The following ACER3 variants were observed in gnomAD, a reference collection of about 807,000 sequenced individuals.
ACER3 encodes the protein alkaline ceramidase 3.
A neutral mutation model predicts 48.9 loss-of-function variants in ACER3; 16 were observed. The ratio of observed to expected loss-of-function variants is 0.33; its 90% CI spans 0.22 to 0.50. The LOEUF (loss-of-function observed/expected upper bound fraction) is 0.50. ACER3 is among the 20% of genes least tolerant of loss of function. The probability of loss-of-function intolerance (pLI) is 0.98; values close to 1 mark genes in which losing one functional copy is unlikely to be tolerated. For synonymous variants in ACER3, 109 were observed against 107.8 expected (o/e 1.01, Z -0.07); for missense variants, 227 against 326.0 (o/e 0.70, Z 2.34).
At chr11:76,958,817 C>T in intron 2 of ACER3, 162 bp from the exon 3 acceptor site, 3 of 700,160 alleles carry the variant, frequency 4.3e-6, no homozygotes, top group South Asian at 3.9e-5. Context: ...CAAAATTTCA[C>T]CAATTATAGC....
chr11:76,926,717 T>G, intron 2 of ACER3, 50 bp downstream of exon 2: 1 of 1,177,330 alleles, frequency 8.5e-7, no homozygotes, highest in South Asian at 1.4e-5. Context: ...AAATGGGCCA[T>G]TTTTCTCATT....
intron 2 of ACER3, among the ~76,000 whole-genome samples, chr11:76,934,890 G>A (rs1303882986): frequency 6.6e-6 from 1 of 152,090 alleles, no homozygotes; most frequent in Non-Finnish European, 1.5e-5. Flanking sequence ...CAGAAAATGA[G>A]AATCAAAACC....
At chr11:76,924,966 ACT>A (rs1293195923) in intron 1 of ACER3, among the ~76,000 whole-genome samples, 4 of 62,036 alleles carry the variant, frequency 6.4e-5, no homozygotes, top group Non-Finnish European at 1.2e-4. Context: ...ACAGAGGAAG[ACT>A]CTGTCAAAAA....
chr11:77,021,905 T>C lies in ACER3; in HGVS notation c.*1578T>C, dbSNP rs7123496. ...GCCATTAGACTGATTCTTCCACCTA[T>C]TTTTATGAACCTCCAGGAAGAAAAA... On this transcript the variant is annotated 3_prime_UTR_variant, in exon 11 of 11. Transcript: ENST00000532485. 114,932 of 151,966 alleles carry C rather than the reference T, an allele frequency of 0.76. 43,826 individuals are homozygous for C. The highest frequency in any genetic ancestry group is 0.81 in the African/African-American group (33,550 of 41,464). 9.4% of individuals were successfully genotyped at this position (151,966 alleles called of 1,614,324 possible).
At position 77,020,938 on chromosome 11, in the gene ACER3, C is replaced by T. The variant is rs1184003110; in HGVS notation, c.*611C>T. 2 of 152,756 alleles carry T rather than the reference C, an allele frequency of 1.3e-5. No individual in the cohort carries two copies. Among genetic ancestry groups the T allele is most frequent in the Non-Finnish European group, 2.9e-5 (2 of 68,524 alleles). 9.5% of individuals were successfully genotyped at this position (152,756 alleles called of 1,614,324 possible). Reference sequence around the variant, plus strand: ...GGATCATAAGCAAGCTCAGACCTGCCCCCAGTTCAGTACTTGACCACATCC... The same window carrying T: ...GGATCATAAGCAAGCTCAGACCTGCTCCCAGTTCAGTACTTGACCACATCC... On this transcript the variant is annotated 3_prime_UTR_variant, in exon 11 of 11. Transcript: ENST00000532485.
At chr11:76,947,126 T>G (rs1355595630) in intron 2 of ACER3, among the ~76,000 whole-genome samples, 1 of 152,208 alleles carries the variant, frequency 6.6e-6, no homozygotes, top group Non-Finnish European at 1.5e-5. Context: ...TGCTTACTAT[T>G]CTGGTTCCTC....
At chr11:76,969,147 A>G (rs1443493739) in intron 3 of ACER3, among the ~76,000 whole-genome samples, 2 of 152,250 alleles carry the variant, frequency 1.3e-5, no homozygotes, top group Non-Finnish European at 2.9e-5. Context: ...ATGAACAGAC[A>G]CTTCTCAAAA....
At position 76,978,051 on chromosome 11, in the gene ACER3, A is replaced by C. The variant is rs537602076; in HGVS notation, c.320+1710A>C. Among the ~76,000 whole-genome samples, 222 of 152,212 alleles carry C rather than the reference A, an allele frequency of 1.5e-3. 11 individuals are homozygous for C. In the South Asian group the frequency reaches 0.043, roughly 30 times the overall value. Reference sequence around the variant, plus strand: ...TTAGGCACTGACAAGCATGGGAGGGAGGCCGAGGCGGGGACTGAGGGCAGC... The same window carrying C: ...TTAGGCACTGACAAGCATGGGAGGGCGGCCGAGGCGGGGACTGAGGGCAGC... On this transcript the variant is annotated intron_variant, in intron 4 of 10. Transcript: ENST00000532485.
chr11:76,985,713 A>C lies in ACER3; in HGVS notation c.391A>C (p.Ile131Leu), dbSNP rs1156582261. Residue 131 changes from isoleucine (I) to leucine (L), a missense_variant, in exon 5 of 11, where the codon ATA (isoleucine) becomes CTA (leucine). Ile to Leu is a conservative substitution (Grantham distance 5). Coordinates refer to ENST00000532485, the MANE Select transcript of ACER3 (RefSeq NM_018367.7). ...LLFTLVLFSLIVTTVYLKVKE... is the reference protein window; with the variant it reads ...LLFTLVLFSLLVTTVYLKVKE... ...TTTTACCTTAGTTCTATTCAGTTTA[A>C]TAGTAACCACAGTAAGTCATATTTT... 4 of 1,538,032 alleles carry C rather than the reference A, an allele frequency of 2.6e-6. No individual in the cohort carries two copies. The highest frequency in any genetic ancestry group is 2.6e-6 in the Non-Finnish European group (3 of 1,144,866).
chr11:76,877,707 G>C (rs1945420461), intron 1 of ACER3, among the ~76,000 whole-genome samples: 1 of 152,072 alleles, frequency 6.6e-6, no homozygotes, highest in African/African-American at 2.4e-5. Context: ...CAGTCCTTTG[G>C]TTAAGAGCAG....
chr11:77,019,900 A>C (rs1949443728), intron 10 of ACER3, 124 bp downstream of exon 10: 1 of 977,814 alleles, frequency 1.0e-6, no homozygotes, highest in Non-Finnish European at 1.6e-6. Context: ...TTGGAACCAA[A>C]GGCTGTGAAT....
At chr11:76,883,714 A>T (rs537447706) in intron 1 of ACER3, among the ~76,000 whole-genome samples, 7 of 152,172 alleles carry the variant, frequency 4.6e-5, no homozygotes, top group Admixed American at 4.6e-4. Flanking sequence ...AAGTGCTGGG[A>T]TTACAGGTGT....
intron 7 of ACER3, among the ~76,000 whole-genome samples, chr11:77,007,354 C>T (rs78468266): frequency 0.028 from 4,241 of 152,152 alleles, 86 homozygotes; most frequent in South Asian, 0.064. Context: ...GTTATAGTCC[C>T]ACAGGTCCCT....
At chr11:76,960,381 C>T (rs1947956490) in intron 3 of ACER3, among the ~76,000 whole-genome samples, 1 of 151,818 alleles carries the variant, frequency 6.6e-6, no homozygotes, top group Non-Finnish European at 1.5e-5. Context: ...TGCACTCCAG[C>T]CTGGCGACAG....
chr11:76,905,561 C>G (rs1946207690), intron 1 of ACER3, among the ~76,000 whole-genome samples: 1 of 152,238 alleles, frequency 6.6e-6, no homozygotes, highest in Admixed American at 6.5e-5. Flanking sequence ...TAGGAAGACT[C>G]TTCTATATGC....
chr11:76,882,457 G>A lies in ACER3; in HGVS notation c.103+21378G>A, dbSNP rs550339810. The stretch of plus-strand genomic sequence containing the variant: ...CAGATATTGTATTTTCAGTTGTAGA[G>A]TGTCCACTTAGTTCTTCTTTATTAT... On this transcript the variant is annotated intron_variant, in intron 1 of 10. Coordinates refer to ENST00000532485, the MANE Select transcript of ACER3 (RefSeq NM_018367.7). 6.6e-5 allele frequency among the ~76,000 whole-genome samples: 10 copies of A among 152,184 alleles called. No homozygotes were observed. The East Asian group carries it at 7.7e-4, about 12-fold the overall frequency.
At chr11:76,898,828 C>T (rs1158985187) in intron 1 of ACER3, among the ~76,000 whole-genome samples, 6 of 137,712 alleles carry the variant, frequency 4.4e-5, no homozygotes, top group African/African-American at 1.1e-4. Context: ...GGCGTGAACC[C>T]GGGAGGCGGA....
chr11:76,941,469 A>C (rs1947341540), intron 2 of ACER3, among the ~76,000 whole-genome samples: 1 of 152,038 alleles, frequency 6.6e-6, no homozygotes, highest in Non-Finnish European at 1.5e-5. Context: ...TTAATTAGAT[A>C]ATTTTAATTT....
intron 1 of ACER3, among the ~76,000 whole-genome samples, chr11:76,908,911 A>AC (rs1946302192): frequency 6.6e-6 from 1 of 152,196 alleles, no homozygotes; most frequent in Non-Finnish European, 1.5e-5. Context: ...TGGTACTGGT[A>AC]CCAAAACAGA....
Sources: allele counts gnomAD v4.1 joint callset (sites outside exome capture counted in the v4.1 genomes callset), GRCh38; gene constraint gnomAD v4.1.1; transcripts MANE v1.5; gene names NCBI Gene and HGNC (gene_info 2026-07-23, HGNC 2026-07-21).